HPSE2: variants seen among roughly 807,000 people sequenced by gnomAD.
HPSE2 encodes the protein inactive heparanase-2.
A neutral mutation model predicts 60.5 loss-of-function variants in HPSE2; 38 were observed. The observed-to-expected ratio is 0.63, with a 90% CI of 0.48 to 0.82. The LOEUF (loss-of-function observed/expected upper bound fraction) is 0.82, where lower values mean the gene tolerates loss of function less well. Ranked by LOEUF, HPSE2 falls within the 40% of genes least tolerant of loss-of-function variation. HPSE2 has a pLI of 0.00. For synonymous variants in HPSE2, 295 were observed against 293.2 expected (o/e 1.01, Z -0.06); for missense variants, 713 against 740.4 (o/e 0.96, Z 0.43).
chr10:98,726,368 A>G (rs920371461), intron 4 of HPSE2, among the ~76,000 whole-genome samples: 2 of 151,918 alleles, frequency 1.3e-5, no homozygotes, highest in Non-Finnish European at 2.9e-5. Context: ...CATCATTCTC[A>G]GTAAACTATG....
intron 3 of HPSE2, among the ~76,000 whole-genome samples, chr10:98,933,584 G>T (rs1049398742): frequency 7.0e-6 from 1 of 143,614 alleles, no homozygotes; most frequent in African/African-American, 2.8e-5. Flanking sequence ...TTGTGTGGGG[G>T]TCTAAGTCTC....
rs919057214 is a variant in HPSE2, at chr10:98,952,310, TTGTTTGTGTG to T, written c.610+191918_610+191927del. Among the ~76,000 whole-genome samples, 22 of 102,626 alleles carry T rather than the reference TTGTTTGTGTG, an allele frequency of 2.1e-4. No individual in the cohort carries two copies. In the South Asian group the frequency reaches 2.7e-3, roughly 13 times the overall value. 67.3% of individuals were successfully genotyped at this position (102,626 alleles called of 152,430 possible). On this transcript the variant is annotated intron_variant, in intron 3 of 11. Transcript: ENST00000370552. ...GGAAGGATTCCCCGCTCAAAAGAAT[TTGTTTGTGTG>T]TGTGTGTGTGTGTGTGTGTGTGTGT...
At chr10:98,920,810 T>G (rs947541) in intron 3 of HPSE2, among the ~76,000 whole-genome samples, 22,557 of 152,218 alleles carry the variant, frequency 0.15, 2,455 homozygotes, top group African/African-American at 0.3. Context: ...AATCATAGTC[T>G]GCTCTTTGAG....
At chr10:99,015,668 T>C (rs1478686899) in intron 3 of HPSE2, among the ~76,000 whole-genome samples, 1 of 133,812 alleles carries the variant, frequency 7.5e-6, no homozygotes, top group Admixed American at 7.7e-5. Context: ...GGGCCTGTTG[T>C]GGGGTGGGGG....
chr10:98,702,665 C>T (rs1334688274), intron 5 of HPSE2, among the ~76,000 whole-genome samples: 1 of 152,158 alleles, frequency 6.6e-6, no homozygotes, highest in Non-Finnish European at 1.5e-5. Flanking sequence ...GGAATTTGAA[C>T]AACCTGCTCC....
the HPSE2 span, among the ~76,000 whole-genome samples, chr10:99,307,830 G>GCACACACACACACACACA: frequency 1.3e-4 from 18 of 141,104 alleles, no homozygotes; most frequent in Admixed American, 5.6e-4. Context: ...CCTAGTAAAT[G>GCACACACACACACACACA]CGCACACACA....
At chr10:98,576,612 C>A (rs1944647085) in intron 9 of HPSE2, among the ~76,000 whole-genome samples, 2 of 152,114 alleles carry the variant, frequency 1.3e-5, no homozygotes, top group Admixed American at 1.3e-4. Context: ...ACATCTCTCA[C>A]TGTCAGACCC....
chr10:98,644,306 G>A (rs778559174), intron 6 of HPSE2, among the ~76,000 whole-genome samples: 2 of 152,192 alleles, frequency 1.3e-5, no homozygotes, highest in Non-Finnish European at 2.9e-5. Context: ...ACTCTGTTCA[G>A]ATTACTTAAG....
intron 3 of HPSE2, among the ~76,000 whole-genome samples, chr10:98,751,071 A>G (rs1949746880): frequency 6.6e-6 from 1 of 151,848 alleles, no homozygotes; most frequent in African/African-American, 2.4e-5. Flanking sequence ...CTTGAGTCTC[A>G]CCTTCCTTGA....
chr10:99,093,191 G>C (rs937319956), intron 3 of HPSE2, among the ~76,000 whole-genome samples: 1 of 151,940 alleles, frequency 6.6e-6, no homozygotes, highest in African/African-American at 2.4e-5. Context: ...TCGTGCCACT[G>C]TACCTCCAGC....
At position 98,514,219 on chromosome 10, in the gene HPSE2, A is replaced by C. The variant is rs557415693; in HGVS notation, c.1321-24023T>G. 3.4e-4 allele frequency among the ~76,000 whole-genome samples: 52 copies of C among 152,292 alleles called. 1 individual carries two copies. Among genetic ancestry groups the C allele is most frequent in the Non-Finnish European group, 6.8e-4 (46 of 68,014 alleles). ...GATTCCACTTATATGAATGATCTAG[A>C]ATAGGTAAATTCACAAAAAGTAGAA... On this transcript the variant is annotated intron_variant, in intron 9 of 11. Coordinates refer to ENST00000370552, the MANE Select transcript of HPSE2 (RefSeq NM_021828.5).
chr10:99,130,484 T>A (rs1434932754), intron 3 of HPSE2, among the ~76,000 whole-genome samples: 5 of 152,120 alleles, frequency 3.3e-5, no homozygotes, highest in African/African-American at 4.8e-5. Context: ...ATACACAAGT[T>A]GTTGTACCTG....
chr10:99,198,134 T>C (rs1222030246), intron 2 of HPSE2, among the ~76,000 whole-genome samples: 1 of 152,080 alleles, frequency 6.6e-6, no homozygotes, highest in African/African-American at 2.4e-5. Context: ...AAGATACATT[T>C]CTTGAGGAAT....
chr10:98,633,607 T>C (rs1946421585), intron 7 of HPSE2, among the ~76,000 whole-genome samples: 1 of 152,186 alleles, frequency 6.6e-6, no homozygotes, highest in Admixed American at 6.5e-5. Flanking sequence ...TGTTTATCAG[T>C]TAGGCTTATG....
intron 2 of HPSE2, among the ~76,000 whole-genome samples, chr10:99,195,311 G>A (rs989523438): frequency 6.6e-6 from 1 of 151,750 alleles, no homozygotes; most frequent in Non-Finnish European, 1.5e-5. Context: ...AACAAGACAA[G>A]TGCACCCAAT....
chr10:98,877,046 C>T (rs1952896359), intron 3 of HPSE2, among the ~76,000 whole-genome samples: 1 of 151,668 alleles, frequency 6.6e-6, no homozygotes, highest in African/African-American at 2.4e-5. Flanking sequence ...AAAAAAAATC[C>T]ATGTTCAAAA....
chr10:99,162,160 A>AAATGGTAAATTCTGTTAT (rs1198902836), intron 2 of HPSE2, among the ~76,000 whole-genome samples: 1 of 152,228 alleles, frequency 6.6e-6, no homozygotes, highest in Non-Finnish European at 1.5e-5. Context: ...TCATACACTC[A>AAATGGTAAATTCTGTTAT]AATGGTAAAT....
Position 98,863,916 on chromosome 10 carries a change from A to G in HPSE2, c.611-119860T>C, listed in dbSNP as rs544256570. 3.9e-5 allele frequency among the ~76,000 whole-genome samples: 6 copies of G among 152,192 alleles called. No individual in the cohort carries two copies. In the South Asian group the frequency reaches 1.2e-3, roughly 32 times the overall value. ...ATTCACCATCATCATAAATATACTC[A>G]AGAAGTTGTACATATTATAAAATAT... On this transcript the variant is annotated intron_variant, in intron 3 of 11. Transcript: ENST00000370552.
chr10:98,976,053 T>A (rs1956077088), intron 3 of HPSE2, among the ~76,000 whole-genome samples: 1 of 152,142 alleles, frequency 6.6e-6, no homozygotes, highest in African/African-American at 2.4e-5. Context: ...GCCAACCTTT[T>A]TATATCATAT....
Sources: gnomAD v4.1 joint callset for allele counts (sites outside exome capture counted in the v4.1 genomes callset) on GRCh38, gnomAD v4.1.1 for gene constraint, MANE v1.5 for transcripts, NCBI Gene and HGNC (gene_info 2026-07-23, HGNC 2026-07-21) for gene names.